The following ZNF267 variants were observed in gnomAD, a reference collection of about 807,000 sequenced individuals.
ZNF267 encodes the protein zinc finger protein 267.
In ZNF267, 61 loss-of-function variants were observed where a neutral mutation model predicts 71.6. The observed-to-expected ratio is 0.85, with a 90% CI of 0.69 to 1.05. The LOEUF is 1.05. Among genes scored for constraint, ZNF267 ranks in the 50% least tolerant of loss-of-function variants. The pLI is 0.00. For missense variants in ZNF267, 852 were observed against 870.0 expected, an observed-to-expected ratio of 0.98 and a Z score of 0.26; for synonymous variants, 288 against 293.2, an observed-to-expected ratio of 0.98 and a Z score of 0.18.
At chr16:31,911,723 CTCTT>C (rs945904267) in intron 3 of ZNF267, 21 of 147,202 alleles carry the variant, frequency 1.4e-4, no homozygotes, top group Admixed American at 6.1e-4. Context: ...TTTGCATCTT[CTCTT>C]TCTTTTGTCC....
At chr16:31,874,040 AG>A (rs2083833689) in intron 1 of ZNF267, 71 bp downstream of exon 1, 5 of 1,556,906 alleles carry the variant, frequency 3.2e-6, no homozygotes, top group Non-Finnish European at 4.4e-6. Context: ...AACCCGCTGT[AG>A]GGGCACCCGG....
chr16:31,908,830 G>T (rs984570945), intron 3 of ZNF267, among the ~76,000 whole-genome samples: 10 of 152,086 alleles, frequency 6.6e-5, no homozygotes, highest in African/African-American at 2.4e-4. Flanking sequence ...GCTCTTTAGT[G>T]TAATGTGAAA....
At chr16:31,905,747 C>G (rs1282351877) in intron 3 of ZNF267, among the ~76,000 whole-genome samples, 1 of 152,166 alleles carries the variant, frequency 6.6e-6, no homozygotes, top group Non-Finnish European at 1.5e-5. Flanking sequence ...TCGTTTAGCT[C>G]AGAGTAGTTT....
intron 3 of ZNF267, chr16:31,894,494 G>A: frequency 2.1e-6 from 1 of 484,584 alleles, no homozygotes; most frequent in South Asian, 1.6e-5. Context: ...AGAATCATTA[G>A]CTCTTTGTGT....
At chr16:31,900,265 C>T (rs547285201) in intron 3 of ZNF267, among the ~76,000 whole-genome samples, 38 of 151,758 alleles carry the variant, frequency 2.5e-4, no homozygotes, top group African/African-American at 7.2e-4. Context: ...ACAATAATAC[C>T]GAATACTTTA....
At chr16:31,895,857 A>G (rs1220801883) in intron 3 of ZNF267, among the ~76,000 whole-genome samples, 4 of 152,180 alleles carry the variant, frequency 2.6e-5, no homozygotes, top group Admixed American at 1.3e-4. Context: ...AGCTTCTTAT[A>G]TGATCTAGAT....
intron 3 of ZNF267, among the ~76,000 whole-genome samples, chr16:31,895,614 C>T (rs568978491): frequency 1.3e-5 from 2 of 152,286 alleles, no homozygotes; most frequent in South Asian, 2.1e-4. Context: ...CTATTCTTCA[C>T]CTCCTCACCA....
intron 3 of ZNF267, 165 bp from the exon 4 acceptor site, chr16:31,914,310 AC>A: frequency 1.6e-6 from 1 of 614,180 alleles, no homozygotes; most frequent in South Asian, 2.9e-5. Flanking sequence ...TTCACGTGCC[AC>A]TTTATTGTAG....
At chr16:31,906,136 C>T (rs541584739) in intron 3 of ZNF267, among the ~76,000 whole-genome samples, 1 of 152,296 alleles carries the variant, frequency 6.6e-6, no homozygotes, top group East Asian at 1.9e-4. Context: ...CCTGATCATT[C>T]CTCTGGAAGT....
At chr16:31,882,725 G>T (rs373123718) in intron 1 of ZNF267, among the ~76,000 whole-genome samples, 1 of 152,002 alleles carries the variant, frequency 6.6e-6, no homozygotes, top group African/African-American at 2.4e-5. Flanking sequence ...GTTCCCCTCC[G>T]CCCATATCAC....
intron 3 of ZNF267, among the ~76,000 whole-genome samples, chr16:31,907,170 C>T (rs1420701718): frequency 6.6e-6 from 1 of 152,088 alleles, no homozygotes; most frequent in East Asian, 1.9e-4. Flanking sequence ...TATAATGTCT[C>T]ATGTGAGTCT....
At chr16:31,900,610 AT>A (rs974038684) in intron 3 of ZNF267, among the ~76,000 whole-genome samples, 1 of 151,542 alleles carries the variant, frequency 6.6e-6, no homozygotes, top group African/African-American at 2.4e-5. Flanking sequence ...ACGCCCAGCT[AT>A]TTTTTTGTAT....
At chr16:31,904,535 A>C (rs776800162) in intron 3 of ZNF267, among the ~76,000 whole-genome samples, 1 of 152,318 alleles carries the variant, frequency 6.6e-6, no homozygotes, top group South Asian at 2.1e-4. Context: ...CTTTACCATT[A>C]TGTAATGGCC....
rs1229086032 is a variant in ZNF267 at position 31,904,812 on chromosome 16, A to T, written c.227-9664A>T. Among the ~76,000 whole-genome samples the T allele has an allele frequency of 7.2e-5, 11 of 152,266 alleles. No individual in the cohort carries two copies. The East Asian group carries it at 1.5e-3, about 21-fold the overall frequency. On this transcript the variant is annotated intron_variant, in intron 3 of 3. Transcript: ENST00000300870. ...TTAAGGTTAATATTCTTATGTGTGA[A>T]TTTGATCCTGTCATTATGATGTTAG...
intron 1 of ZNF267, among the ~76,000 whole-genome samples, chr16:31,877,456 G>C (rs1207916337): frequency 6.6e-6 from 1 of 152,140 alleles, no homozygotes; most frequent in Non-Finnish European, 1.5e-5. Flanking sequence ...GCAGGATTAA[G>C]GTGCCAAAAT....
intron 3 of ZNF267, among the ~76,000 whole-genome samples, chr16:31,903,458 T>G (rs2084059359): frequency 6.6e-6 from 1 of 152,238 alleles, no homozygotes; most frequent in South Asian, 2.1e-4. Flanking sequence ...ATTGCCTCAA[T>G]TTCAGAGCCT....
chr16:31,878,546 A>T (rs1355506563), intron 1 of ZNF267, among the ~76,000 whole-genome samples: 2 of 152,164 alleles, frequency 1.3e-5, no homozygotes, highest in Non-Finnish European at 2.9e-5. Context: ...CAGACACTGA[A>T]TCCGTAGCAG....
chr16:31,877,839 T>C (rs933560415), intron 1 of ZNF267, among the ~76,000 whole-genome samples: 2 of 152,206 alleles, frequency 1.3e-5, no homozygotes, highest in Non-Finnish European at 2.9e-5. Flanking sequence ...GCCCTGTATG[T>C]ATTTATCTCA....
At chr16:31,874,096 T>A in intron 1 of ZNF267, 127 bp downstream of exon 1, 2 of 1,077,562 alleles carry the variant, frequency 1.9e-6, no homozygotes, top group Non-Finnish European at 2.7e-6. Context: ...GAGTCCCAAC[T>A]GGTGCAGCTC....
Sources: gnomAD v4.1 joint callset for allele counts (sites outside exome capture counted in the v4.1 genomes callset) on GRCh38, gnomAD v4.1.1 for gene constraint, MANE v1.5 for transcripts, NCBI Gene and HGNC (gene_info 2026-07-23, HGNC 2026-07-21) for gene names.